The following CLPB variants were observed in gnomAD, a reference collection of about 807,000 sequenced individuals.
CLPB encodes ClpB family mitochondrial disaggregase, also known as mitochondrial disaggregase.
In CLPB, 40 loss-of-function variants were observed where a neutral mutation model predicts 78.4. The observed-to-expected ratio is 0.51, with a 90% CI of 0.40 to 0.66. The LOEUF (loss-of-function observed/expected upper bound fraction) is 0.66. Among genes scored for constraint, CLPB ranks in the 30% least tolerant of loss-of-function variants. The pLI is 0.00. For missense variants in CLPB, 780 were observed against 886.9 expected, an observed-to-expected ratio of 0.88 and a Z score of 1.53; for synonymous variants, 333 against 348.0, an observed-to-expected ratio of 0.96 and a Z score of 0.48.
rs1949423186 is a variant in CLPB at position 72,289,138 on chromosome 11, A to G, written c.*4229T>C. On this transcript the variant is annotated 3_prime_UTR_variant, in exon 16 of 16. Coordinates refer to ENST00000538039, the MANE Select transcript of CLPB (RefSeq NM_001258392.3). Reference sequence around the variant, plus strand: ...TCTCTTGATCTCGTGATCTGCCCCTACATGGCCTCCAGAGTGTTGGGATTA... The same window carrying G: ...TCTCTTGATCTCGTGATCTGCCCCTGCATGGCCTCCAGAGTGTTGGGATTA... The G allele has an allele frequency of 6.6e-6, 1 of 152,110 alleles. No homozygotes were observed. The allele number at this position is 152,110 out of a possible 1,614,324, so 9.4% of individuals were successfully genotyped here.
At chr11:72,419,093 A>G (rs1856111705) in intron 2 of CLPB, among the ~76,000 whole-genome samples, 1 of 152,326 alleles carries the variant, frequency 6.6e-6, no homozygotes, top group African/African-American at 2.4e-5. Flanking sequence ...CAAGCAGCTT[A>G]AGTGAATATT....
chr11:72,368,667 T>C (rs902436880), intron 4 of CLPB, among the ~76,000 whole-genome samples: 1 of 152,234 alleles, frequency 6.6e-6, no homozygotes, highest in African/African-American at 2.4e-5. Flanking sequence ...TTCTCTTAAG[T>C]ATGGCAGGTT....
Position 72,294,112 on chromosome 11 carries a change from G to A in CLPB, c.1695C>T (p.His565=), listed in dbSNP as rs1431871422. ...NFWAKRAKQR[H]NITLLWDREV... ...CGCGGTCCCAGAGCAGCGTGATGTT[G>A]TGCCTTTGCTTGGCCTGAGATGGGT... The change falls in exon 15 of 16, where the codon CAC becomes CAT. Residue 565 remains histidine (H), a synonymous_variant. Coordinates refer to ENST00000538039, the MANE Select transcript of CLPB (RefSeq NM_001258392.3). 1 of 1,614,138 alleles carries A rather than the reference G, an allele frequency of 6.2e-7. No homozygotes were observed.
rs1265458442 is a variant in CLPB, at chr11:72,287,130, T to C, written c.*6237A>G. 1 of 152,162 alleles carries C rather than the reference T, an allele frequency of 6.6e-6. No individual in the cohort carries two copies. Among genetic ancestry groups the C allele is most frequent in the Non-Finnish European group, 1.5e-5 (1 of 68,034 alleles). 9.4% of individuals were successfully genotyped at this position (152,162 alleles called of 1,614,324 possible). On this transcript the variant is annotated 3_prime_UTR_variant, in exon 16 of 16. Transcript: ENST00000538039. ...TTGCATCTATGGCCATAGGTGAGAT[T>C]AGGCTATAGCATTCTTTCTGGCACT... is the stretch of plus-strand genomic sequence containing the variant.
Position 72,359,238 on chromosome 11 carries a change from G to C in CLPB, c.647-230C>G, listed in dbSNP as rs368636594. On this transcript the variant is annotated intron_variant, in intron 4 of 15. Coordinates refer to ENST00000538039, the MANE Select transcript of CLPB (RefSeq NM_001258392.3). Reference sequence around the variant, plus strand: ...CTGTTATGTGTTAGGATTCATCCTGGGGACATGAAATAGATCAGATAAGGT... The same window carrying C: ...CTGTTATGTGTTAGGATTCATCCTGCGGACATGAAATAGATCAGATAAGGT... 34 of 681,422 alleles carry C rather than the reference G, an allele frequency of 5.0e-5. No homozygotes were observed. The East Asian group carries it at 7.2e-4, about 15-fold the overall frequency. The allele number at this position is 681,422 out of a possible 1,614,324, so 42.2% of individuals were successfully genotyped here.
chr11:72,353,640 C>G (rs898882940), intron 5 of CLPB, among the ~76,000 whole-genome samples: 1 of 152,180 alleles, frequency 6.6e-6, no homozygotes, highest in Non-Finnish European at 1.5e-5. Flanking sequence ...AGACACAGGC[C>G]TGGCCTTCAT....
Position 72,308,586 on chromosome 11 carries a change from T to C in CLPB, c.1007A>G (p.Asn336Ser), listed in dbSNP as rs1163671345. 6.2e-7 allele frequency: 1 copy of C among 1,614,114 alleles called. No homozygotes were observed. The highest frequency in any genetic ancestry group is 1.7e-5 in the Admixed American group (1 of 60,022). Reference protein sequence around the residue: ...TVGAAIRRKENGWYDEEHPLV... With the variant: ...TVGAAIRRKESGWYDEEHPLV... Reference sequence around the variant, plus strand: ...AGGGTGTTCTTCATCGTACCAGCCATTCTCCTTCCTCCGGATCGCTACGGC... The same window carrying C: ...AGGGTGTTCTTCATCGTACCAGCCACTCTCCTTCCTCCGGATCGCTACGGC... Residue 336 changes from asparagine (N) to serine (S), a missense_variant, in exon 8 of 16, where the codon AAT becomes AGT. Around this residue, in one of 3 missense-constraint regions of CLPB, gnomAD observed 91 missense variants for 168.2 expected, o/e 0.54. Coordinates refer to ENST00000538039, the MANE Select transcript of CLPB (RefSeq NM_001258392.3).
intron 4 of CLPB, among the ~76,000 whole-genome samples, chr11:72,377,863 A>C (rs1854765264): frequency 6.6e-6 from 1 of 152,244 alleles, no homozygotes; most frequent in African/African-American, 2.4e-5. Flanking sequence ...AAACATATCC[A>C]CATCACTTCG....
At position 72,378,964 on chromosome 11, in the gene CLPB, CT is replaced by C. The variant is rs201235433; in HGVS notation, c.646+1316del. ...GGACAGGGAAGCCTTTGTGGAGGAT[CT>C]AGCCTTAGCAATGGAGCCTTAAGAG... On this transcript the variant is annotated intron_variant, in intron 4 of 15. Coordinates refer to ENST00000538039, the MANE Select transcript of CLPB (RefSeq NM_001258392.3). 3.4e-3 allele frequency among the ~76,000 whole-genome samples: 518 copies of C among 152,298 alleles called. 4 individuals are homozygous for C. The highest frequency in any genetic ancestry group is 6.9e-3 in the East Asian group (36 of 5,184).
In CLPB at chr11:72,321,853, C is replaced by CT. The variant is rs1365901611; in HGVS notation, c.874-4634dup. Reference sequence around the variant, plus strand: ...ATGCCCCATACTCCTGAATCCCTGACTCAGATGGTGACTCATATCACAGTC... The same window carrying CT: ...ATGCCCCATACTCCTGAATCCCTGACTTCAGATGGTGACTCATATCACAGTC... On this transcript the variant is annotated intron_variant, in intron 6 of 15. Transcript: ENST00000538039. Among the ~76,000 whole-genome samples, 8 of 152,080 alleles carry CT rather than the reference C, an allele frequency of 5.3e-5. No homozygotes were observed. In the South Asian group the frequency reaches 1.5e-3, roughly 28 times the overall value.
chr11:72,430,441 AC>A (rs987656532), intron 1 of CLPB, 78 bp from the exon 2 acceptor site: 29 of 1,268,238 alleles, frequency 2.3e-5, no homozygotes, highest in Non-Finnish European at 3.1e-5. Flanking sequence ...GCCCACTAAG[AC>A]AGTGGCAGTA....
At chr11:72,327,770 C>T (rs113864486) in intron 6 of CLPB, among the ~76,000 whole-genome samples, 2 of 152,168 alleles carry the variant, frequency 1.3e-5, no homozygotes, top group African/African-American at 4.8e-5. Flanking sequence ...TTCCTTAAGG[C>T]ACTTAAGGAA....
At chr11:72,401,211 G>T (rs770169367) in intron 3 of CLPB, among the ~76,000 whole-genome samples, 129 of 152,134 alleles carry the variant, frequency 8.5e-4, no homozygotes, top group Non-Finnish European at 1.4e-3. Flanking sequence ...AGGCCAAGGC[G>T]GGTGGATCAC....
At chr11:72,342,068 T>C (rs778936612) in intron 5 of CLPB, among the ~76,000 whole-genome samples, 1 of 152,152 alleles carries the variant, frequency 6.6e-6, no homozygotes, top group Non-Finnish European at 1.5e-5. Context: ...TCATCAGACA[T>C]AACACTTCCT....
chr11:72,294,441 G>C lies in CLPB; in HGVS notation c.1564C>G (p.His522Asp). 1 of 1,614,136 alleles carries C rather than the reference G, an allele frequency of 6.2e-7. No individual in the cohort carries two copies. The highest frequency in any genetic ancestry group is 1.3e-5 in the African/African-American group (1 of 75,064). ...CCCAGAAACTCATCCCTCCGGAAGT[G>C]AGCCTGAAGGGCCAGGTTAGGGGTG... The part of the protein sequence containing the change: ...ENVIRPILKA[H>D]FRRDEFLGRI... Residue 522 changes from histidine (H) to aspartate (D), a missense_variant, in exon 14 of 16, where the codon CAC becomes GAC. Physicochemically the swap from His to Asp is moderately conservative, Grantham distance 81. Coordinates refer to ENST00000538039, the MANE Select transcript of CLPB (RefSeq NM_001258392.3).
At chr11:72,346,863 C>A (rs1472038291) in intron 5 of CLPB, among the ~76,000 whole-genome samples, 1 of 151,682 alleles carries the variant, frequency 6.6e-6, no homozygotes, top group Non-Finnish European at 1.5e-5. Flanking sequence ...CACCTGTAAT[C>A]CCAGCTACTC....
rs563268159 is a variant in CLPB at position 72,424,874 on chromosome 11, A to G, written c.455+5438T>C. Among the ~76,000 whole-genome samples, 4 of 152,176 alleles carry G rather than the reference A, an allele frequency of 2.6e-5. No homozygotes were observed. In the East Asian group the frequency reaches 7.7e-4, roughly 29 times the overall value. ...GCACTCCAACCTGGGGGACAGAATGAGACTCCGTCTCAAAAAAAACAAAAC... is the reference window on the plus strand; with the variant it reads ...GCACTCCAACCTGGGGGACAGAATGGGACTCCGTCTCAAAAAAAACAAAAC... On this transcript the variant is annotated intron_variant, in intron 2 of 15. Transcript: ENST00000538039.
In CLPB at chr11:72,400,716, C is replaced by G. The variant is rs187564155; in HGVS notation, c.542+2250G>C. Among the ~76,000 whole-genome samples the G allele has an allele frequency of 2.3e-4, 35 of 152,306 alleles. 1 individual carries two copies. In the East Asian group the frequency reaches 6.8e-3, roughly 29 times the overall value. On this transcript the variant is annotated intron_variant, in intron 3 of 15. Transcript: ENST00000538039. ...GTAGAATAACACATGTGTTTGTGTA[C>G]AGAGATCTAATGGGGGCATCAGGGA...
chr11:72,430,939 C>T (rs1388584009), intron 1 of CLPB, among the ~76,000 whole-genome samples: 1 of 152,216 alleles, frequency 6.6e-6, no homozygotes, highest in Non-Finnish European at 1.5e-5. Context: ...CTCTCTCTCT[C>T]AACCACAGCT....
Sources: gnomAD v4.1 joint callset for allele counts (sites outside exome capture counted in the v4.1 genomes callset) on GRCh38, gnomAD v4.1.1 for gene constraint, gnomAD v4.1.1 regional missense constraint, MANE v1.5 for transcripts, NCBI Gene and HGNC (gene_info 2026-07-23, HGNC 2026-07-21) for gene names.